RNF220: variants seen among roughly 807,000 people sequenced by gnomAD.
RNF220 encodes E3 ubiquitin-protein ligase RNF220.
A neutral mutation model predicts 67.1 loss-of-function variants in RNF220; 7 were observed. The ratio of observed to expected loss-of-function variants is 0.10; its 90% confidence interval spans 0.06 to 0.20. RNF220 has a LOEUF of 0.20. RNF220 is among the 10% of genes least tolerant of loss of function. The probability of loss-of-function intolerance (pLI) is 1.00; values close to 1 mark genes in which losing one functional copy is unlikely to be tolerated. For synonymous variants in RNF220, 270 were observed against 283.2 expected (o/e 0.95, Z 0.47); for missense variants, 565 against 740.3 (o/e 0.76, Z 2.75).
intron 2 of RNF220, among the ~76,000 whole-genome samples, chr1:44,418,058 A>G (rs1178420497): frequency 1.3e-5 from 2 of 151,836 alleles, no homozygotes; most frequent in Non-Finnish European, 2.9e-5. Flanking sequence ...CTAAGAACCC[A>G]GTCCCCGATC....
At chr1:44,531,511 G>T (rs1036581554) in intron 2 of RNF220, among the ~76,000 whole-genome samples, 1 of 152,216 alleles carries the variant, frequency 6.6e-6, no homozygotes, top group African/African-American at 2.4e-5. Context: ...TAGACTGTAA[G>T]AGCACAGAGG....
intron 2 of RNF220, among the ~76,000 whole-genome samples, chr1:44,436,709 A>ATGCGGACC (rs1651009350): frequency 6.6e-6 from 1 of 152,194 alleles, no homozygotes; most frequent in African/African-American, 2.4e-5. Context: ...TGCTGATGAG[A>ATGCGGACC]TGCGTGCAAA....
At chr1:44,551,411 G>A (rs566816952) in intron 2 of RNF220, among the ~76,000 whole-genome samples, 12 of 44,304 alleles carry the variant, frequency 2.7e-4, no homozygotes, top group Non-Finnish European at 2.3e-3. Flanking sequence ...CACCGTGCCC[G>A]GCCATTTTTT....
intron 2 of RNF220, among the ~76,000 whole-genome samples, chr1:44,446,240 C>T (rs1366859333): frequency 6.6e-6 from 1 of 152,106 alleles, no homozygotes; most frequent in African/African-American, 2.4e-5. Flanking sequence ...TTTATAAGAA[C>T]AAACGTAATG....
At chr1:44,618,054 C>T (rs1212443001) in intron 3 of RNF220, among the ~76,000 whole-genome samples, 3 of 152,236 alleles carry the variant, frequency 2.0e-5, no homozygotes, top group Non-Finnish European at 2.9e-5. Context: ...TGCCCTCCAT[C>T]AACCTGGACA....
At chr1:44,500,299 G>T (rs1333342199) in intron 2 of RNF220, among the ~76,000 whole-genome samples, 3 of 152,186 alleles carry the variant, frequency 2.0e-5, no homozygotes, top group Non-Finnish European at 4.4e-5. Flanking sequence ...CTTTGCTCTT[G>T]CAGTTCCCTT....
At chr1:44,475,028 C>T (rs1016178874) in intron 2 of RNF220, among the ~76,000 whole-genome samples, 17 of 151,232 alleles carry the variant, frequency 1.1e-4, no homozygotes, top group Admixed American at 2.0e-4. Context: ...AAAATTATGG[C>T]GAATCCCTAA....
chr1:44,605,134 A>G (rs1380295719), intron 2 of RNF220, among the ~76,000 whole-genome samples: 1 of 152,080 alleles, frequency 6.6e-6, no homozygotes, highest in African/African-American at 2.4e-5. Flanking sequence ...CCTCGTCTCT[A>G]CTAAAAATAC....
intron 2 of RNF220, among the ~76,000 whole-genome samples, chr1:44,566,829 T>C (rs1664059005): frequency 6.6e-6 from 1 of 152,180 alleles, no homozygotes; most frequent in South Asian, 2.1e-4. Context: ...CCCAGTGACC[T>C]GTGGTCAAGA....
intron 2 of RNF220, among the ~76,000 whole-genome samples, chr1:44,518,826 G>A (rs1659669167): frequency 6.6e-6 from 1 of 151,492 alleles, no homozygotes; most frequent in Admixed American, 6.6e-5. Context: ...AGTGAGCCGA[G>A]ATTGTGCCAC....
chr1:44,556,857 C>T (rs1572873391), intron 2 of RNF220, among the ~76,000 whole-genome samples: 1 of 152,218 alleles, frequency 6.6e-6, no homozygotes, highest in East Asian at 1.9e-4. Context: ...CCGCGCCCGG[C>T]CTCTTCCTGT....
chr1:44,639,556 A>C (rs1644428471), intron 8 of RNF220, among the ~76,000 whole-genome samples: 1 of 152,214 alleles, frequency 6.6e-6, no homozygotes, highest in African/African-American at 2.4e-5. Flanking sequence ...ATCCAGCATG[A>C]AGCCCCTCTG....
intron 2 of RNF220, among the ~76,000 whole-genome samples, chr1:44,457,950 C>G (rs1009408189): frequency 7.9e-5 from 12 of 152,034 alleles, no homozygotes; most frequent in African/African-American, 2.9e-4. Context: ...ATTTTGGCTT[C>G]GGCTTCTTTA....
chr1:44,650,799 G>A lies in RNF220; in HGVS notation c.*24G>A, dbSNP rs778283712. The A allele has an allele frequency of 5.0e-6, 8 of 1,607,008 alleles. No homozygotes were observed. The highest frequency in any genetic ancestry group is 4.5e-5 in the East Asian group (2 of 44,874). On this transcript the variant is annotated 3_prime_UTR_variant, in exon 15 of 15. Coordinates refer to ENST00000361799, the MANE Select transcript of RNF220 (RefSeq NM_018150.4). The surrounding 1 kb of genome is among the most constrained non-coding windows in gnomAD (Gnocchi z 4.3). ...GAGCTATCTGCCCCAGGCAGGCCTC[G>A]CCTCCAGCAGCCCCACCTGCCCCCA...
chr1:44,464,025 A>T (rs1654041982), intron 2 of RNF220, among the ~76,000 whole-genome samples: 1 of 152,238 alleles, frequency 6.6e-6, no homozygotes, highest in African/African-American at 2.4e-5. Flanking sequence ...CTTGCAGAGA[A>T]ATCTGACAGA....
chr1:44,552,536 T>C (rs1276142899), intron 2 of RNF220, among the ~76,000 whole-genome samples: 1 of 139,916 alleles, frequency 7.1e-6, no homozygotes. Flanking sequence ...CAAAAACCCA[T>C]CAATGGCTCC....
intron 8 of RNF220, among the ~76,000 whole-genome samples, chr1:44,641,086 GTT>G (rs1644475987): frequency 6.6e-6 from 1 of 152,112 alleles, no homozygotes; most frequent in South Asian, 2.1e-4. Flanking sequence ...GAAGAAATGA[GTT>G]TATGGGAGAA....
At chr1:44,466,635 A>G (rs912358261) in intron 2 of RNF220, among the ~76,000 whole-genome samples, 1 of 152,244 alleles carries the variant, frequency 6.6e-6, no homozygotes, top group Non-Finnish European at 1.5e-5. Context: ...GTTAGCGGGC[A>G]TGAAAACAAC....
chr1:44,473,382 TCTGA>T (rs753419079), intron 2 of RNF220, among the ~76,000 whole-genome samples: 1 of 150,902 alleles, frequency 6.6e-6, no homozygotes, highest in Non-Finnish European at 1.5e-5. Flanking sequence ...AGGGTGATGG[TCTGA>T]CTAATTAAAG....
Sources: gnomAD v4.1 joint callset for allele counts (sites outside exome capture counted in the v4.1 genomes callset) on GRCh38, gnomAD v4.1.1 for gene constraint, Gnocchi (gnomAD v3.1) non-coding constraint, MANE v1.5 for transcripts, NCBI Gene and HGNC (gene_info 2026-07-23, HGNC 2026-07-21) for gene names.